The following TRPM7 variants were observed in gnomAD, a reference collection of about 807,000 sequenced individuals.
The protein encoded by TRPM7 is transient receptor potential cation channel subfamily M member 7.
In TRPM7, 134 loss-of-function variants were observed where a neutral mutation model predicts 229.7. The ratio of observed to expected loss-of-function variants is 0.58; its 90% CI spans 0.51 to 0.67. The LOEUF is 0.67. Ranked by LOEUF, TRPM7 falls within the 30% of genes least tolerant of loss-of-function variation. The pLI, the probability that TRPM7 is intolerant of heterozygous loss-of-function variation, is 0.00. For synonymous variants in TRPM7, 699 were observed against 715.2 expected (o/e 0.98, Z 0.36); for missense variants, 1,901 against 2,210.0 (o/e 0.86, Z 2.80).
intron 13 of TRPM7, 101 bp downstream of exon 13, chr15:50,619,644 G>A: frequency 2.0e-6 from 2 of 998,094 alleles, no homozygotes; most frequent in Non-Finnish European, 2.9e-6. Context: ...AATTTTATTG[G>A]TATTTCTAAA....
chr15:50,673,760 T>C (rs965845057), intron 1 of TRPM7, among the ~76,000 whole-genome samples: 3 of 152,190 alleles, frequency 2.0e-5, no homozygotes, highest in Non-Finnish European at 2.9e-5. Context: ...TATCTTTTTC[T>C]TATAATGACT....
rs1355611520 is a variant in TRPM7, at chr15:50,588,799, T to C, written c.4389+793A>G. The stretch of plus-strand genomic sequence containing the variant: ...AACATTTAAGAAATAAAACCAACTT[T>C]GCAGGCAAGAATACACCTTTTTTGC... On this transcript the variant is annotated intron_variant, in intron 27 of 38. Transcript: ENST00000646667. Among the ~76,000 whole-genome samples the C allele has an allele frequency of 1.3e-5, 2 of 152,330 alleles. 1 individual carries two copies. Among genetic ancestry groups the C allele is most frequent in the South Asian group, 4.1e-4 (2 of 4,824 alleles).
chr15:50,594,024 C>G (rs2059572379), intron 24 of TRPM7, among the ~76,000 whole-genome samples: 1 of 152,166 alleles, frequency 6.6e-6, no homozygotes, highest in African/African-American at 2.4e-5. Context: ...ATACCTCTCC[C>G]TCACGTATCT....
At chr15:50,650,256 G>T (rs1032988225) in intron 3 of TRPM7, among the ~76,000 whole-genome samples, 1 of 145,296 alleles carries the variant, frequency 6.9e-6, no homozygotes, top group Admixed American at 6.9e-5. Flanking sequence ...AAAGCTACTG[G>T]ACAGCAATAG....
intron 31 of TRPM7, among the ~76,000 whole-genome samples, chr15:50,577,440 G>A (rs776561363): frequency 3.3e-5 from 5 of 152,024 alleles, no homozygotes; most frequent in South Asian, 2.1e-4. Context: ...CCAGCTACTC[G>A]GGAGGCTGAG....
At chr15:50,575,496 T>G (rs2054088314) in intron 33 of TRPM7, among the ~76,000 whole-genome samples, 1 of 152,208 alleles carries the variant, frequency 6.6e-6, no homozygotes, top group Admixed American at 6.5e-5. Context: ...CTTTTTAGAA[T>G]TAGAATATAT....
rs1482517555 is a variant in TRPM7 at position 50,686,623 on chromosome 15, G to T, written c.-90C>A. 1.1e-5 allele frequency: 17 copies of T among 1,549,336 alleles called. No homozygotes were observed. Among genetic ancestry groups the T allele is most frequent in the Non-Finnish European group, 1.5e-5 (17 of 1,148,702 alleles). ...CCATCTATCGGGAAGCGTCTCCGGAGGCGGCAGCAGAGGCCGCCGGACAAG... is the reference window on the plus strand; with the variant it reads ...CCATCTATCGGGAAGCGTCTCCGGATGCGGCAGCAGAGGCCGCCGGACAAG... On this transcript the variant is annotated 5_prime_UTR_variant, in exon 1 of 39. Transcript: ENST00000646667.
chr15:50,649,843 G>C (rs1328617733), intron 3 of TRPM7, among the ~76,000 whole-genome samples: 1 of 152,042 alleles, frequency 6.6e-6, no homozygotes, highest in Non-Finnish European at 1.5e-5. Context: ...AAAAGAGGAG[G>C]GAGCTACAAC....
intron 6 of TRPM7, among the ~76,000 whole-genome samples, chr15:50,638,556 A>C (rs1271633928): frequency 6.6e-6 from 1 of 152,050 alleles, no homozygotes; most frequent in Non-Finnish European, 1.5e-5. Context: ...TTTCAAAAAA[A>C]AAAGACACTG....
intron 3 of TRPM7, among the ~76,000 whole-genome samples, chr15:50,655,080 C>G (rs1219933930): frequency 1.5e-5 from 2 of 131,862 alleles, no homozygotes; most frequent in East Asian, 4.5e-4. Context: ...AAGAGTGAAC[C>G]TGAAGACATC....
chr15:50,628,140 T>C lies in TRPM7; in HGVS notation c.1305+9A>G. The C allele has an allele frequency of 6.3e-7, 1 of 1,582,508 alleles. No individual in the cohort carries two copies. Among genetic ancestry groups the C allele is most frequent in the Non-Finnish European group, 8.7e-7 (1 of 1,154,132 alleles). On this transcript the variant is annotated intron_variant, in intron 11 of 38. Transcript: ENST00000646667. Reference sequence around the variant, plus strand: ...TTAATTGTATTGTGTATGTAGATTATTTACATACCAGCCACTGCTGTCCAT... The same window carrying C: ...TTAATTGTATTGTGTATGTAGATTACTTACATACCAGCCACTGCTGTCCAT...
chr15:50,634,908 T>C (rs571347409), intron 7 of TRPM7, among the ~76,000 whole-genome samples: 2 of 152,324 alleles, frequency 1.3e-5, no homozygotes, highest in East Asian at 1.9e-4. Flanking sequence ...ACGTGAAATG[T>C]AAACAGTAAT....
intron 12 of TRPM7, among the ~76,000 whole-genome samples, chr15:50,621,619 G>C (rs2060409808): frequency 6.6e-6 from 1 of 152,184 alleles, no homozygotes; most frequent in African/African-American, 2.4e-5. Context: ...GTGTGATATT[G>C]TGAGATTGAA....
chr15:50,609,617 A>G lies in TRPM7; in HGVS notation c.2544T>C (p.Phe848=), dbSNP rs1327644303. Reference sequence around the variant, plus strand: ...AGAATTTTACAATTGGTGCATGATAAAAGGCATAAAACTTTCGCGTAATTG... The same window carrying G: ...AGAATTTTACAATTGGTGCATGATAGAAGGCATAAAACTTTCGCGTAATTG... ...KLPITRKFYA[F]YHAPIVKFWF... Residue 848 remains phenylalanine (F), a synonymous_variant, in exon 19 of 39, where the codon TTT becomes TTC. Transcript: ENST00000646667. 5.0e-6 allele frequency: 8 copies of G among 1,610,418 alleles called. No homozygotes were observed. In the South Asian group the frequency reaches 8.9e-5, roughly 18 times the overall value.
rs373480542 is a variant in TRPM7 at position 50,680,978 on chromosome 15, C to T, written c.3+5553G>A. Among the ~76,000 whole-genome samples, 95 of 152,174 alleles carry T rather than the reference C, an allele frequency of 6.2e-4. No individual in the cohort carries two copies. In the South Asian group the frequency reaches 0.015, roughly 23 times the overall value. The stretch of plus-strand genomic sequence containing the variant: ...GGATTAATATATGTAAAGTGTCGGG[C>T]GAGGTGGCTCATGCCTGTAATCCCA... On this transcript the variant is annotated intron_variant, in intron 1 of 38. Coordinates refer to ENST00000646667, the MANE Select transcript of TRPM7 (RefSeq NM_017672.6).
intron 36 of TRPM7, 99 bp downstream of exon 36, chr15:50,574,175 A>C: frequency 1.0e-6 from 1 of 975,366 alleles, no homozygotes; most frequent in East Asian, 2.5e-5. Context: ...TATTGGCCTA[A>C]GATTTTATTT....
chr15:50,611,020 A>T, intron 17 of TRPM7, 73 bp downstream of exon 17: 2 of 1,215,782 alleles, frequency 1.6e-6, no homozygotes, highest in Non-Finnish European at 1.2e-6. Context: ...GCATTTTACT[A>T]CACATTTAGA....
chr15:50,668,911 T>C (rs1166461088), intron 1 of TRPM7, among the ~76,000 whole-genome samples: 1 of 152,224 alleles, frequency 6.6e-6, no homozygotes, highest in East Asian at 1.9e-4. Flanking sequence ...TGGAATGATG[T>C]GCTCTCCTTA....
Position 50,605,072 on chromosome 15 carries a change from C to A in TRPM7, c.2782G>T (p.Asp928Tyr), listed in dbSNP as rs1327923669. Residue 928 changes from aspartate to tyrosine, a missense_variant, in exon 21 of 39, where the codon GAT (aspartate) becomes TAT (tyrosine). Physicochemically the swap from Asp to Tyr is radical, Grantham distance 160 (BLOSUM62 -3). This residue lies in a region of TRPM7 where 207 missense variants were observed against 241.5 expected (regional missense o/e 0.86). Coordinates refer to ENST00000646667, the MANE Select transcript of TRPM7 (RefSeq NM_017672.6). ...AAGAAAGAAATTATGGCAATTGTAT[C>A]ACTGATGTTGAAGTAATCACTAAAC... is the stretch of plus-strand genomic sequence containing the variant. ...VWFSDYFNIS[D>Y]TIAIISFFIG... is the part of the protein sequence containing the mutation. 6.2e-7 allele frequency: 1 copy of A among 1,613,680 alleles called. No homozygotes were observed. The highest frequency in any genetic ancestry group is 1.1e-5 in the South Asian group (1 of 91,050).
Sources: gnomAD v4.1 joint callset for allele counts (sites outside exome capture counted in the v4.1 genomes callset) on GRCh38, gnomAD v4.1.1 for gene constraint, gnomAD v4.1.1 regional missense constraint, MANE v1.5 for transcripts, NCBI Gene and HGNC (gene_info 2026-07-23, HGNC 2026-07-21) for gene names.